The following TBC1D31 variants were observed in gnomAD, a reference collection of about 807,000 sequenced individuals.
TBC1D31 encodes WD repeat domain 67.
In TBC1D31, 99 loss-of-function variants were observed where a neutral mutation model predicts 132.9. That is an observed-to-expected ratio of 0.74 (90% CI 0.63 to 0.88). The LOEUF (loss-of-function observed/expected upper bound fraction) is 0.88, where lower values mean the gene tolerates loss of function less well. Among genes scored for constraint, TBC1D31 ranks in the 40% least tolerant of loss-of-function variants. The pLI, the probability that TBC1D31 is intolerant of heterozygous loss-of-function variation, is 0.00. For missense variants in TBC1D31, 1,134 were observed against 1,256.6 expected, an observed-to-expected ratio of 0.90 and a Z score of 1.48; for synonymous variants, 385 against 419.4, an observed-to-expected ratio of 0.92 and a Z score of 1.00.
intron 10 of TBC1D31, among the ~76,000 whole-genome samples, chr8:123,119,758 G>A (rs1819295389): frequency 6.6e-6 from 1 of 152,144 alleles, no homozygotes; most frequent in Non-Finnish European, 1.5e-5. Flanking sequence ...TCGGTACGAA[G>A]CTATCATATC....
intron 6 of TBC1D31, among the ~76,000 whole-genome samples, chr8:123,098,279 C>G (rs926273738): frequency 4.6e-5 from 7 of 152,058 alleles, no homozygotes; most frequent in Non-Finnish European, 1.0e-4. Context: ...TTTTATACAG[C>G]CTTGCACCTT....
chr8:123,141,307 G>A (rs1244199745), intron 18 of TBC1D31, among the ~76,000 whole-genome samples: 1 of 152,212 alleles, frequency 6.6e-6, no homozygotes, highest in Non-Finnish European at 1.5e-5. Flanking sequence ...TCAGGTCCCT[G>A]CATGGTATGT....
intron 6 of TBC1D31, 67 bp from the exon 7 acceptor site, chr8:123,100,740 T>C: frequency 8.2e-7 from 1 of 1,220,458 alleles, no homozygotes; most frequent in Non-Finnish European, 1.2e-6. Flanking sequence ...TAAAGACGTG[T>C]ATATAGTAGG....
intron 16 of TBC1D31, among the ~76,000 whole-genome samples, chr8:123,132,652 G>A (rs2130835417): frequency 6.6e-6 from 1 of 151,872 alleles, no homozygotes; most frequent in East Asian, 1.9e-4. Flanking sequence ...GACTTCAAGT[G>A]GTCTGCCCAC....
chr8:123,076,858 GGCTTGTTCTGTGTCTGAC>G (rs1563661848), intron 1 of TBC1D31, among the ~76,000 whole-genome samples: 2 of 152,052 alleles, frequency 1.3e-5, no homozygotes, highest in Non-Finnish European at 1.5e-5. Context: ...CTTAGCACCT[GGCTTGTTCTGTGTCTGAC>G]ACAGTGAGTT....
intron 10 of TBC1D31, among the ~76,000 whole-genome samples, chr8:123,112,475 A>G (rs1818542599): frequency 6.6e-6 from 1 of 152,220 alleles, no homozygotes; most frequent in Admixed American, 6.5e-5. Context: ...CTCCTTAGGT[A>G]AATGGTTGTA....
At chr8:123,102,101 A>G in intron 7 of TBC1D31, 1 of 379,944 alleles carries the variant, frequency 2.6e-6, no homozygotes, top group Non-Finnish European at 5.3e-6. Flanking sequence ...ACGAAAATGC[A>G]TGCCTCACTT....
chr8:123,158,271 TAA>T, the TBC1D31 span, among the ~76,000 whole-genome samples: 87 of 151,418 alleles, frequency 5.7e-4, no homozygotes, highest in African/African-American at 2.0e-3. Context: ...ACTATTATAA[TAA>T]AAAAAAAGAC....
intron 4 of TBC1D31, among the ~76,000 whole-genome samples, chr8:123,088,766 G>C (rs1387494937): frequency 6.6e-6 from 1 of 152,072 alleles, no homozygotes; most frequent in Non-Finnish European, 1.5e-5. Flanking sequence ...TTTCATTTTT[G>C]ATGGCTCTTT....
chr8:123,075,692 G>C (rs987015644), intron 1 of TBC1D31, among the ~76,000 whole-genome samples: 1 of 150,822 alleles, frequency 6.6e-6, no homozygotes, highest in Non-Finnish European at 1.5e-5. Context: ...GACAGAGCGA[G>C]ACTCCATCTC....
At position 123,115,605 on chromosome 8, in the gene TBC1D31, G is replaced by C. The variant is rs796970522; in HGVS notation, c.1437-4450G>C. Among the ~76,000 whole-genome samples, 14 of 152,294 alleles carry C rather than the reference G, an allele frequency of 9.2e-5. 1 individual carries two copies. Among genetic ancestry groups the C allele is most frequent in the African/African-American group, 3.4e-4 (14 of 41,560 alleles). On this transcript the variant is annotated intron_variant, in intron 10 of 21. Coordinates refer to ENST00000287380, the MANE Select transcript of TBC1D31 (RefSeq NM_145647.4). ...TTCACCATGGGTTGGATCTCACTGG[G>C]CTAAAATCAGAGTGTCAGCAGGGCC...
rs752691273 is a variant in TBC1D31 at position 123,144,739 on chromosome 8, A to G, written c.2858A>G (p.Glu953Gly). The G allele has an allele frequency of 1.2e-6, 2 of 1,605,574 alleles. No homozygotes were observed. Among genetic ancestry groups the G allele is most frequent in the African/African-American group, 1.3e-5 (1 of 74,292 alleles). ...AKKWKEAEGK[E>G]FRLRSAKKAS... is the part of the protein sequence containing the mutation. ...TAGTGGAAGGAAGCTGAAGGAAAAG[A>G]GTTCCGTTTGAGATCAGCAAAGAAA... Residue 953 changes from glutamate (E) to glycine (G), a missense_variant, in exon 20 of 22, where the codon GAG (glutamate) becomes GGG (glycine). Coordinates refer to ENST00000287380, the MANE Select transcript of TBC1D31 (RefSeq NM_145647.4).
intron 17 of TBC1D31, among the ~76,000 whole-genome samples, chr8:123,136,844 C>A: frequency 6.6e-6 from 1 of 151,920 alleles, no homozygotes; most frequent in Non-Finnish European, 1.5e-5. Flanking sequence ...TTTAAACAAA[C>A]CAATAGGATT....
At chr8:123,089,276 TCCC>T (rs1816101479) in intron 4 of TBC1D31, among the ~76,000 whole-genome samples, 1 of 152,180 alleles carries the variant, frequency 6.6e-6, no homozygotes, top group Non-Finnish European at 1.5e-5. Context: ...CCGTAGCACC[TCCC>T]TCAGGGTTGG....
the TBC1D31 span, among the ~76,000 whole-genome samples, chr8:123,160,501 CAGGAGGAGG>C: frequency 6.6e-6 from 1 of 151,692 alleles, no homozygotes; most frequent in Non-Finnish European, 1.5e-5. Context: ...GCAGGAGGAG[CAGGAGGAGG>C]AGGAGGCTAC....
intron 10 of TBC1D31, among the ~76,000 whole-genome samples, chr8:123,116,611 C>T (rs1818932858): frequency 6.6e-6 from 1 of 151,972 alleles, no homozygotes. Flanking sequence ...CTCTTTCTAC[C>T]GAGAAGGCCT....
downstream of TBC1D31, among the ~76,000 whole-genome samples, chr8:123,155,547 T>C (rs545046821): frequency 6.6e-6 from 1 of 152,142 alleles, no homozygotes; most frequent in Non-Finnish European, 1.5e-5. The surrounding 1 kb of genome is among the most constrained non-coding windows in gnomAD (Gnocchi z 4.1). Flanking sequence ...GCTTGAGATA[T>C]GTAACAGGAA....
At chr8:123,141,375 G>A (rs911111456) in intron 18 of TBC1D31, among the ~76,000 whole-genome samples, 1 of 152,162 alleles carries the variant, frequency 6.6e-6, no homozygotes, top group Non-Finnish European at 1.5e-5. Context: ...ATAAGATGGG[G>A]GATGGTCAAA....
intron 16 of TBC1D31, 101 bp downstream of exon 16, chr8:123,130,434 T>G (rs1386145013): frequency 1.8e-6 from 2 of 1,116,990 alleles, no homozygotes; most frequent in African/African-American, 3.2e-5. Flanking sequence ...GAGTCCACCA[T>G]GAATACTAAA....
Sources: allele counts gnomAD v4.1 joint callset (sites outside exome capture counted in the v4.1 genomes callset), GRCh38; gene constraint gnomAD v4.1.1; non-coding constraint Gnocchi (gnomAD v3.1); transcripts MANE v1.5; gene names NCBI Gene and HGNC (gene_info 2026-07-23, HGNC 2026-07-21).